The following NCAM1 variants were observed in gnomAD, a reference collection of about 807,000 sequenced individuals.
The protein encoded by NCAM1 is neural cell adhesion molecule 1, also known as antigen recognized by monoclonal antibody 5.1H11.
In NCAM1, 14 loss-of-function variants were observed where a neutral mutation model predicts 109.8. The ratio of observed to expected loss-of-function variants is 0.13; its 90% confidence interval spans 0.08 to 0.20. NCAM1 has a LOEUF of 0.20. Among genes scored for constraint, NCAM1 ranks in the 10% least tolerant of loss-of-function variants. The probability of loss-of-function intolerance (pLI) is 1.00; values close to 1 mark genes in which losing one functional copy is unlikely to be tolerated. For missense variants in NCAM1, 774 were observed against 1,109.9 expected, an observed-to-expected ratio of 0.70 and a Z score of 4.30; for synonymous variants, 418 against 442.9, an observed-to-expected ratio of 0.94 and a Z score of 0.70.
At chr11:112,979,070 A>G (rs1282936958) in intron 1 of NCAM1, among the ~76,000 whole-genome samples, 1 of 151,770 alleles carries the variant, frequency 6.6e-6, no homozygotes. Context: ...GCTTTCTGTA[A>G]TATTCAACTA....
Position 113,274,453 on chromosome 11 carries a change from G to A in NCAM1, c.2457-814G>A, listed in dbSNP as rs538158705. The stretch of plus-strand genomic sequence containing the variant: ...CCTGTCCCCATGCATCCTCAGACCC[G>A]ACTCCCTTTCCTGGAACTGATGGAG... On this transcript the variant is annotated intron_variant, in intron 19 of 19. Coordinates refer to ENST00000316851, the MANE Select transcript of NCAM1 (RefSeq NM_181351.5). This position sits in a 1 kb window ranked among gnomAD's most constrained non-coding sequence, Gnocchi z 4.1. Among the ~76,000 whole-genome samples the A allele has an allele frequency of 1.2e-3, 184 of 152,288 alleles. No individual in the cohort carries two copies. Among genetic ancestry groups the A allele is most frequent in the African/African-American group, 4.3e-3 (180 of 41,558 alleles).
chr11:113,080,961 C>T (rs1356298450), intron 1 of NCAM1, among the ~76,000 whole-genome samples: 1 of 152,188 alleles, frequency 6.6e-6, no homozygotes, highest in African/African-American at 2.4e-5. Context: ...ACTTGTGTTG[C>T]TTATTTTCTT....
At chr11:113,004,529 A>G (rs1248301412) in intron 1 of NCAM1, among the ~76,000 whole-genome samples, 1 of 152,016 alleles carries the variant, frequency 6.6e-6, no homozygotes, top group Non-Finnish European at 1.5e-5. Context: ...GATGAGGATC[A>G]TACAAGAATT....
intron 1 of NCAM1, among the ~76,000 whole-genome samples, chr11:113,088,031 G>A (rs185004016): frequency 6.6e-6 from 1 of 152,348 alleles, no homozygotes; most frequent in African/African-American, 2.4e-5. Flanking sequence ...ATAACAAGTG[G>A]TAGCGTCATT....
intron 1 of NCAM1, among the ~76,000 whole-genome samples, chr11:113,149,672 C>T (rs1269947185): frequency 6.6e-6 from 1 of 152,202 alleles, no homozygotes; most frequent in East Asian, 1.9e-4. Context: ...TTTTTACCTT[C>T]ACTTTTTAGT....
At chr11:113,003,894 T>A (rs1305590630) in intron 1 of NCAM1, 2 of 152,222 alleles carry the variant, frequency 1.3e-5, no homozygotes, top group Non-Finnish European at 2.9e-5. Flanking sequence ...TGTATTTATA[T>A]GTGTCAGTAT....
At chr11:113,200,511 G>A (rs998184371) in intron 1 of NCAM1, among the ~76,000 whole-genome samples, 2 of 152,170 alleles carry the variant, frequency 1.3e-5, no homozygotes, top group East Asian at 1.9e-4. Context: ...TCTGTGCAGG[G>A]GCAGCATTGC....
At chr11:113,224,444 C>A (rs749559625) in intron 9 of NCAM1, among the ~76,000 whole-genome samples, 1 of 152,256 alleles carries the variant, frequency 6.6e-6, no homozygotes, top group Non-Finnish European at 1.5e-5. Context: ...GAAGCTCGAA[C>A]TGGGTGGAGC....
intron 1 of NCAM1, among the ~76,000 whole-genome samples, chr11:113,111,028 A>G (rs1555093588): frequency 6.6e-6 from 1 of 152,222 alleles, no homozygotes; most frequent in African/African-American, 2.4e-5. Flanking sequence ...TAGTTTAAAT[A>G]TGAGGACATC....
At chr11:112,981,823 A>G (rs1951162315) in intron 1 of NCAM1, among the ~76,000 whole-genome samples, 1 of 151,956 alleles carries the variant, frequency 6.6e-6, no homozygotes, top group Non-Finnish European at 1.5e-5. Context: ...CTGTCTTTAA[A>G]AATAAGACAT....
At chr11:113,204,209 T>A in intron 2 of NCAM1, 77 bp from the exon 3 acceptor site, 1 of 1,203,958 alleles carries the variant, frequency 8.3e-7, no homozygotes, top group Non-Finnish European at 1.2e-6. Context: ...CTCTTACTGA[T>A]CAGCCACTGT....
At chr11:113,221,469 A>G in intron 9 of NCAM1, 144 bp downstream of exon 9, 2 of 804,722 alleles carry the variant, frequency 2.5e-6, no homozygotes, top group South Asian at 3.6e-5. Context: ...ATTACTTAGC[A>G]ATAGTATCAT....
intron 1 of NCAM1, among the ~76,000 whole-genome samples, chr11:113,170,670 G>A (rs1201701004): frequency 6.6e-6 from 1 of 152,106 alleles, no homozygotes; most frequent in East Asian, 1.9e-4. Flanking sequence ...GGGGCTGCTT[G>A]TTTAGGTTTC....
At chr11:113,019,259 A>G (rs1952310045) in intron 1 of NCAM1, among the ~76,000 whole-genome samples, 1 of 152,094 alleles carries the variant, frequency 6.6e-6, no homozygotes, top group Non-Finnish European at 1.5e-5. Context: ...TTTACCTTCA[A>G]CAGTCTTCCA....
At chr11:113,225,262 C>T (rs921182573) in intron 9 of NCAM1, among the ~76,000 whole-genome samples, 11 of 152,252 alleles carry the variant, frequency 7.2e-5, no homozygotes, top group Admixed American at 3.3e-4. Flanking sequence ...CTGAAAACCA[C>T]GGCACGAGAA....
In NCAM1 at chr11:113,044,482, C is replaced by G. The variant is rs566353264; in HGVS notation, c.52+82818C>G. 2.6e-5 allele frequency among the ~76,000 whole-genome samples: 4 copies of G among 151,970 alleles called. No homozygotes were observed. The South Asian group carries it at 8.3e-4, about 32-fold the overall frequency. On this transcript the variant is annotated intron_variant, in intron 1 of 19. Transcript: ENST00000316851. ...GGCCGATCACTTGAGGTCAAGAGTT[C>G]GAGACCAGCCTGGCCAACATGGCAA...
At chr11:113,141,954 C>T (rs782239306) in intron 1 of NCAM1, among the ~76,000 whole-genome samples, 4 of 152,100 alleles carry the variant, frequency 2.6e-5, no homozygotes, top group African/African-American at 4.8e-5. Flanking sequence ...GACATCGATC[C>T]ATTTATCAAC....
At chr11:113,003,378 T>G (rs962554504) in intron 1 of NCAM1, among the ~76,000 whole-genome samples, 3 of 152,266 alleles carry the variant, frequency 2.0e-5, no homozygotes, top group African/African-American at 7.2e-5. Flanking sequence ...TCAGCACTCT[T>G]CATCCAACTC....
At chr11:113,167,267 T>C (rs1942835812) in intron 1 of NCAM1, among the ~76,000 whole-genome samples, 1 of 152,216 alleles carries the variant, frequency 6.6e-6, no homozygotes, top group Non-Finnish European at 1.5e-5. Flanking sequence ...TATATATATC[T>C]TTCTAAGCTT....
Sources: gnomAD v4.1 joint callset for allele counts (sites outside exome capture counted in the v4.1 genomes callset) on GRCh38, gnomAD v4.1.1 for gene constraint, Gnocchi (gnomAD v3.1) non-coding constraint, MANE v1.5 for transcripts, NCBI Gene and HGNC (gene_info 2026-07-23, HGNC 2026-07-21) for gene names.